TRPM8: variants seen among roughly 807,000 people sequenced by gnomAD.
The protein encoded by TRPM8 is transient receptor potential cation channel subfamily M member 8.
A neutral mutation model predicts 133.7 loss-of-function variants in TRPM8; 110 were observed. The ratio of observed to expected loss-of-function variants is 0.82; its 90% CI spans 0.70 to 0.96. The LOEUF (loss-of-function observed/expected upper bound fraction) is 0.96. Ranked by LOEUF, TRPM8 falls within the 40% of genes least tolerant of loss-of-function variation. TRPM8 has a pLI of 0.00. For synonymous variants in TRPM8, 535 were observed against 532.3 expected (o/e 1.01, Z -0.07); for missense variants, 1,291 against 1,379.5 (o/e 0.94, Z 1.02).
intron 18 of TRPM8, among the ~76,000 whole-genome samples, chr2:233,981,534 C>A (rs548913402): frequency 6.6e-6 from 1 of 152,002 alleles, no homozygotes; most frequent in Non-Finnish European, 1.5e-5. Context: ...GAGACAGGAA[C>A]CTCCGAGAGC....
At chr2:233,981,152 A>G (rs540045596) in intron 18 of TRPM8, among the ~76,000 whole-genome samples, 1 of 152,316 alleles carries the variant, frequency 6.6e-6, no homozygotes, top group Non-Finnish European at 1.5e-5. Flanking sequence ...ACAGAATGAG[A>G]TGGTTTACAA....
chr2:233,917,788 A>G (rs773354108), intron 1 of TRPM8, among the ~76,000 whole-genome samples: 4 of 151,304 alleles, frequency 2.6e-5, no homozygotes, highest in Non-Finnish European at 5.9e-5. Flanking sequence ...GCAACTGACT[A>G]TCTGAAGCAA....
chr2:233,963,470 C>A, intron 13 of TRPM8, 93 bp downstream of exon 13: 1 of 701,698 alleles, frequency 1.4e-6, no homozygotes, highest in Non-Finnish European at 2.4e-6. Context: ...TAATATAAAA[C>A]ATCATCAGTG....
At chr2:234,017,189 G>A (rs1692976291) in intron 25 of TRPM8, 110 bp from the exon 26 acceptor site, 1 of 375,328 alleles carries the variant, frequency 2.7e-6, no homozygotes, top group African/African-American at 2.2e-5. Flanking sequence ...TGGTATATTT[G>A]GATCTATTCC....
intron 9 of TRPM8, 125 bp from the exon 10 acceptor site, chr2:233,953,792 G>A: frequency 9.4e-6 from 6 of 636,342 alleles, no homozygotes; most frequent in South Asian, 4.0e-5. Flanking sequence ...ATTCAGAAAT[G>A]AGAAGCTGAT....
chr2:233,988,113 A>G (rs1173229290), intron 21 of TRPM8, among the ~76,000 whole-genome samples: 3 of 152,046 alleles, frequency 2.0e-5, no homozygotes, highest in African/African-American at 7.2e-5. Flanking sequence ...GATAAATTTC[A>G]GTCTTCTCAG....
intron 8 of TRPM8, among the ~76,000 whole-genome samples, chr2:233,949,431 T>C (rs1451321355): frequency 1.3e-5 from 2 of 152,242 alleles, no homozygotes; most frequent in Non-Finnish European, 2.9e-5. Flanking sequence ...TATATTTTTA[T>C]TCTTTTTTAA....
At chr2:233,942,481 A>G in intron 5 of TRPM8, 95 bp from the exon 6 acceptor site, 1 of 1,246,254 alleles carries the variant, frequency 8.0e-7, no homozygotes, top group East Asian at 2.3e-5. Context: ...CCTGATGCCT[A>G]CAGGGATGGG....
rs536591100 is a variant in TRPM8, at chr2:233,973,099, A to G, written c.2355+2673A>G. ...GATTATCAGGCTTCACCTACCAGCA[A>G]TTCTTGCCCCAGGACGGGGCCCTGC... On this transcript the variant is annotated intron_variant, in intron 17 of 25. Coordinates refer to ENST00000324695, the MANE Select transcript of TRPM8 (RefSeq NM_024080.5). 3.3e-5 allele frequency among the ~76,000 whole-genome samples: 5 copies of G among 152,298 alleles called. No homozygotes were observed. In the South Asian group the frequency reaches 1.0e-3, roughly 32 times the overall value.
intron 3 of TRPM8, among the ~76,000 whole-genome samples, chr2:233,931,766 A>T (rs1036720862): frequency 6.6e-6 from 1 of 152,250 alleles, no homozygotes; most frequent in African/African-American, 2.4e-5. Context: ...TGTCACTGGT[A>T]AAAACATACG....
chr2:233,975,738 C>T (rs28901876), intron 17 of TRPM8, among the ~76,000 whole-genome samples: 12,353 of 152,148 alleles, frequency 0.081, 583 homozygotes, highest in East Asian at 0.17. Flanking sequence ...AAAAATTAGC[C>T]GGGCATGGTG....
At chr2:233,946,257 T>TA (rs1289555924) in intron 7 of TRPM8, 2 of 428,882 alleles carry the variant, frequency 4.7e-6, no homozygotes, top group African/African-American at 3.9e-5. Context: ...CAATGATAAA[T>TA]ACGGCCATCT....
chr2:233,981,704 A>AT, intron 18 of TRPM8, 70 bp from the exon 19 acceptor site: 1 of 1,500,646 alleles, frequency 6.7e-7, no homozygotes, highest in Non-Finnish European at 8.9e-7. Flanking sequence ...AAATTGGGTT[A>AT]TTTTTAGAAA....
At chr2:233,933,860 A>G (rs1479510014) in intron 3 of TRPM8, 1 of 167,128 alleles carries the variant, frequency 6.0e-6, no homozygotes, top group Non-Finnish European at 1.5e-5. Flanking sequence ...GTGCCCTAAC[A>G]CTTAGGAAGA....
At position 233,960,828 on chromosome 2, in the gene TRPM8, A is replaced by G. The variant is rs1016472981; in HGVS notation, c.1415A>G (p.Lys472Arg). The G allele has an allele frequency of 1.9e-6, 3 of 1,614,108 alleles. No individual in the cohort carries two copies. Among genetic ancestry groups the G allele is most frequent in the Admixed American group, 1.7e-5 (1 of 60,022 alleles). ...MFTALIKDRP[K>R]FVRLFLENGL... is the part of the protein sequence containing the mutation. ...ACGGCTCTCATAAAGGACAGACCCAAGTTTGTCCGCCTCTTTCTGGAGAAT... is the reference window on the plus strand; with the variant it reads ...ACGGCTCTCATAAAGGACAGACCCAGGTTTGTCCGCCTCTTTCTGGAGAAT... The change falls in exon 12 of 26, where the codon AAG (lysine) becomes AGG (arginine). Residue 472 changes from lysine (K) to arginine (R), a missense_variant. Transcript: ENST00000324695.
chr2:233,967,796 G>A (rs1267193408), intron 15 of TRPM8, among the ~76,000 whole-genome samples: 3 of 152,098 alleles, frequency 2.0e-5, no homozygotes, highest in South Asian at 2.1e-4. Context: ...TGCTGGAGTC[G>A]GGGTGTGCCT....
At chr2:233,920,903 C>G (rs1016176206) in intron 1 of TRPM8, among the ~76,000 whole-genome samples, 5 of 147,130 alleles carry the variant, frequency 3.4e-5, no homozygotes, top group African/African-American at 1.3e-4. Flanking sequence ...GTTGCCCAGG[C>G]TGGAGTGCAA....
At chr2:233,932,520 G>T (rs1260119053) in intron 3 of TRPM8, among the ~76,000 whole-genome samples, 2 of 152,166 alleles carry the variant, frequency 1.3e-5, no homozygotes, top group Admixed American at 1.3e-4. Context: ...TGAACTCAAT[G>T]CAGAAAGGCA....
At chr2:233,970,108 C>A in intron 16 of TRPM8, 102 bp from the exon 17 acceptor site, 1 of 1,099,664 alleles carries the variant, frequency 9.1e-7, no homozygotes, top group East Asian at 2.4e-5. Context: ...GTCTCTTCCT[C>A]CTGGCTATGG....
Sources: gnomAD v4.1 joint callset for allele counts (sites outside exome capture counted in the v4.1 genomes callset) on GRCh38, gnomAD v4.1.1 for gene constraint, MANE v1.5 for transcripts, NCBI Gene and HGNC (gene_info 2026-07-23, HGNC 2026-07-21) for gene names.